The following GALNT2 variants were observed in gnomAD, a reference collection of about 807,000 sequenced individuals.
GALNT2 encodes the protein UDP-GalNAc:polypeptide N-acetylgalactosaminyltransferase 2.
Under a neutral mutation model 81.4 loss-of-function variants are expected in GALNT2, and 31 were observed. The ratio of observed to expected loss-of-function variants is 0.38; its 90% CI spans 0.29 to 0.51. The LOEUF is 0.51. Ranked by LOEUF, GALNT2 falls within the 20% of genes least tolerant of loss-of-function variation. The probability of loss-of-function intolerance (pLI) is 0.87; values close to 1 mark genes in which losing one functional copy is unlikely to be tolerated. For synonymous variants in GALNT2, 303 were observed against 287.4 expected, an observed-to-expected ratio of 1.05 and a Z score of -0.55; for missense variants, 629 against 765.7, an observed-to-expected ratio of 0.82 and a Z score of 2.11.
chr1:230,168,911 T>C (rs1042044969), intron 1 of GALNT2, among the ~76,000 whole-genome samples: 2 of 152,256 alleles, frequency 1.3e-5, no homozygotes, highest in African/African-American at 4.8e-5. Flanking sequence ...TTTTAATATG[T>C]TATCCAGAAT....
chr1:230,131,752 G>A (rs1007332304), intron 1 of GALNT2, among the ~76,000 whole-genome samples: 2 of 152,212 alleles, frequency 1.3e-5, no homozygotes, highest in African/African-American at 4.8e-5. Flanking sequence ...GGAGGCCGAA[G>A]AGTGAGGGTC....
At chr1:230,190,430 G>A (rs1663484145) in intron 2 of GALNT2, among the ~76,000 whole-genome samples, 1 of 152,206 alleles carries the variant, frequency 6.6e-6, no homozygotes, top group Non-Finnish European at 1.5e-5. Context: ...AAATGCTCCT[G>A]AAGCATCTGG....
intron 6 of GALNT2, among the ~76,000 whole-genome samples, chr1:230,241,818 T>A (rs1262035562): frequency 6.6e-6 from 1 of 152,214 alleles, no homozygotes; most frequent in Non-Finnish European, 1.5e-5. Context: ...TTTCTGAAGT[T>A]CCTGTAGAAG....
chr1:230,236,747 C>T (rs1347243198), intron 6 of GALNT2, 22 bp downstream of exon 6: 25 of 1,598,796 alleles, frequency 1.6e-5, no homozygotes, highest in Non-Finnish European at 2.1e-5. Flanking sequence ...CTTAATTCAG[C>T]GCCAAGACAG....
intron 2 of GALNT2, among the ~76,000 whole-genome samples, chr1:230,199,181 G>T (rs1232153225): frequency 6.6e-6 from 1 of 152,058 alleles, no homozygotes; most frequent in Non-Finnish European, 1.5e-5. Context: ...TTTTAGGAAG[G>T]CAATATATTC....
At position 230,246,128 on chromosome 1, in the gene GALNT2, G is replaced by T. The variant is rs1366518881; in HGVS notation, c.795G>T (p.Gly265=). 1 of 1,614,020 alleles carries T rather than the reference G, an allele frequency of 6.2e-7. No individual in the cohort carries two copies. Among genetic ancestry groups the T allele is most frequent in the Admixed American group, 1.7e-5 (1 of 60,010 alleles). ...ATATGGACAACTTTCAGTATGTGGG[G>T]GCATCTGCTGACTTGAAGGGCGGTA... ...VINMDNFQYV[G]ASADLKGGFD... Residue 265 remains glycine, a synonymous_variant, in exon 8 of 16, where the codon GGG becomes GGT. Transcript: ENST00000366672.
intron 1 of GALNT2, among the ~76,000 whole-genome samples, chr1:230,165,763 G>C (rs187004438): frequency 2.2e-4 from 34 of 152,368 alleles, no homozygotes; most frequent in African/African-American, 7.5e-4. Flanking sequence ...TGGTCAACCT[G>C]TCCCAGGGCA....
intron 15 of GALNT2, among the ~76,000 whole-genome samples, chr1:230,277,802 T>C (rs1666339191): frequency 6.6e-6 from 1 of 152,196 alleles, no homozygotes; most frequent in Admixed American, 6.5e-5. Context: ...AAATTTTATC[T>C]TGGAACTGAA....
At chr1:230,162,509 T>G (rs764081750) in intron 1 of GALNT2, among the ~76,000 whole-genome samples, 1 of 152,186 alleles carries the variant, frequency 6.6e-6, no homozygotes, top group Non-Finnish European at 1.5e-5. Flanking sequence ...GCCAGTCTCC[T>G]TCTCCCCAAG....
chr1:230,263,317 TG>T (rs1665933656), intron 13 of GALNT2: 1 of 344,238 alleles, frequency 2.9e-6, no homozygotes, highest in African/African-American at 2.1e-5. Context: ...GAAGGACTGG[TG>T]TCTGACAGGC....
intron 1 of GALNT2, among the ~76,000 whole-genome samples, chr1:230,167,006 G>A (rs1662623799): frequency 6.6e-6 from 1 of 152,100 alleles, no homozygotes; most frequent in African/African-American, 2.4e-5. Context: ...GATGAGATAA[G>A]TCAGGGGAGA....
At chr1:230,217,503 A>C (rs1664426329) in intron 3 of GALNT2, among the ~76,000 whole-genome samples, 1 of 152,248 alleles carries the variant, frequency 6.6e-6, no homozygotes, top group South Asian at 2.1e-4. Flanking sequence ...ACCAAGCCCT[A>C]GGAGCCTGGA....
At chr1:230,117,432 C>T (rs1201718508) in intron 1 of GALNT2, among the ~76,000 whole-genome samples, 1 of 152,258 alleles carries the variant, frequency 6.6e-6, no homozygotes, top group African/African-American at 2.4e-5. Context: ...TGGCCTTCCT[C>T]ACTAAGCTTA....
At chr1:230,159,349 C>T (rs1662360893) in intron 1 of GALNT2, among the ~76,000 whole-genome samples, 2 of 53,090 alleles carry the variant, frequency 3.8e-5, no homozygotes, top group Admixed American at 6.3e-4. Flanking sequence ...TTCAGCACTC[C>T]CCTGAGTTTA....
At chr1:230,232,075 T>G (rs1173945525) in intron 3 of GALNT2, among the ~76,000 whole-genome samples, 1 of 152,214 alleles carries the variant, frequency 6.6e-6, no homozygotes, top group African/African-American at 2.4e-5. Context: ...GAAGACTGGT[T>G]GGCAGGGATA....
chr1:230,167,318 A>G (rs143489884), intron 1 of GALNT2, among the ~76,000 whole-genome samples: 3 of 151,950 alleles, frequency 2.0e-5, no homozygotes, highest in African/African-American at 7.2e-5. Context: ...GCTAATTTTT[A>G]AAATTTTTTG....
At chr1:230,236,245 A>G in intron 4 of GALNT2, 108 bp from the exon 5 acceptor site, 1 of 1,358,894 alleles carries the variant, frequency 7.4e-7, no homozygotes, top group Non-Finnish European at 1.0e-6. Flanking sequence ...TGCAGTGTGT[A>G]GCTCCTCCAA....
In GALNT2 at chr1:230,269,386, A is replaced by G. The variant is rs778745087; in HGVS notation, c.1440+4019A>G. Among the ~76,000 whole-genome samples, 13 of 152,046 alleles carry G rather than the reference A, an allele frequency of 8.6e-5. No individual in the cohort carries two copies. The East Asian group carries it at 1.4e-3, about 16-fold the overall frequency. On this transcript the variant is annotated intron_variant, in intron 14 of 15. Coordinates refer to ENST00000366672, the MANE Select transcript of GALNT2 (RefSeq NM_004481.5). The stretch of plus-strand genomic sequence containing the variant: ...TGTTTAGTAGAGACGGGATTCCACT[A>G]TGTTGGCCAGGCTGGTCTCGAACTC...
intron 1 of GALNT2, among the ~76,000 whole-genome samples, chr1:230,153,078 T>C (rs984875650): frequency 6.6e-6 from 1 of 152,226 alleles, no homozygotes; most frequent in Admixed American, 6.5e-5. Flanking sequence ...TATTTTTATT[T>C]TTAGAGATGA....
Sources: allele counts gnomAD v4.1 joint callset (sites outside exome capture counted in the v4.1 genomes callset), GRCh38; gene constraint gnomAD v4.1.1; transcripts MANE v1.5; gene names NCBI Gene and HGNC (gene_info 2026-07-23, HGNC 2026-07-21).